RYK: variants seen among roughly 807,000 people sequenced by gnomAD.
RYK encodes receptor like tyrosine kinase.
A neutral mutation model predicts 70.2 loss-of-function variants in RYK; 21 were observed. That is an observed-to-expected ratio of 0.30 (90% CI 0.21 to 0.43). The LOEUF (loss-of-function observed/expected upper bound fraction) is 0.43. Ranked by LOEUF, RYK falls within the 20% of genes least tolerant of loss-of-function variation. The pLI, the probability that RYK is intolerant of heterozygous loss-of-function variation, is 1.00. For synonymous variants in RYK, 267 were observed against 278.0 expected (o/e 0.96, Z 0.39); for missense variants, 604 against 753.3 (o/e 0.80, Z 2.32).
intron 7 of RYK, among the ~76,000 whole-genome samples, chr3:134,192,471 T>C (rs553135909): frequency 6.7e-6 from 1 of 148,564 alleles, no homozygotes; most frequent in South Asian, 2.1e-4. Context: ...GTTATTTTTG[T>C]TTGAAAAGGC....
intron 1 of RYK, among the ~76,000 whole-genome samples, chr3:134,248,904 T>C (rs1392934308): frequency 6.6e-6 from 1 of 151,926 alleles, no homozygotes; most frequent in Non-Finnish European, 1.5e-5. Context: ...CCGAGAAAAT[T>C]AGAAGAAATT....
chr3:134,246,878 A>C (rs981332923), intron 1 of RYK, among the ~76,000 whole-genome samples: 24 of 152,178 alleles, frequency 1.6e-4, no homozygotes, highest in Admixed American at 3.9e-4. Context: ...TCCCAGAAAA[A>C]ATAATCGTAC....
chr3:134,223,470 T>C (rs1243876808), intron 1 of RYK, among the ~76,000 whole-genome samples: 1 of 152,060 alleles, frequency 6.6e-6, no homozygotes, highest in African/African-American at 2.4e-5. Flanking sequence ...AAAAGAGTTA[T>C]CAAAAAAACA....
chr3:134,184,081 G>C (rs1381286169), intron 9 of RYK, among the ~76,000 whole-genome samples: 1 of 152,074 alleles, frequency 6.6e-6, no homozygotes, highest in African/African-American at 2.4e-5. Flanking sequence ...TATGATTGGA[G>C]ATTATGGCCT....
rs2014285152 is a variant in RYK, at chr3:134,208,566, T to A, written c.590-1041A>T. Among the ~76,000 whole-genome samples, 3 of 152,206 alleles carry A rather than the reference T, an allele frequency of 2.0e-5. No homozygotes were observed. The South Asian group carries it at 6.2e-4, about 32-fold the overall frequency. ...AGATGCTAACTCTTCTTTCTTAAAA[T>A]GTCTATTCAAATGTAGTGCAGCTTT... is the stretch of plus-strand genomic sequence containing the variant. On this transcript the variant is annotated intron_variant, in intron 4 of 14. Coordinates refer to ENST00000623711, the MANE Select transcript of RYK (RefSeq NM_002958.4).
intron 2 of RYK, among the ~76,000 whole-genome samples, chr3:134,221,419 G>A (rs1318202619): frequency 1.3e-5 from 2 of 151,536 alleles, no homozygotes; most frequent in African/African-American, 4.9e-5. Flanking sequence ...TGGCCAAGAT[G>A]GTCTCGATCT....
intron 1 of RYK, among the ~76,000 whole-genome samples, chr3:134,245,035 A>G (rs1018117240): frequency 1.3e-5 from 2 of 152,228 alleles, no homozygotes; most frequent in African/African-American, 4.8e-5. Flanking sequence ...CCCAGCCTCC[A>G]AAACTGTGAG....
At chr3:134,218,983 C>A (rs2014648340) in intron 2 of RYK, among the ~76,000 whole-genome samples, 1 of 152,074 alleles carries the variant, frequency 6.6e-6, no homozygotes, top group African/African-American at 2.4e-5. Flanking sequence ...TAGTCATACC[C>A]TCCAAAAAAA....
At chr3:134,239,785 A>C (rs555921200) in intron 1 of RYK, among the ~76,000 whole-genome samples, 101 of 152,394 alleles carry the variant, frequency 6.6e-4, no homozygotes, top group African/African-American at 2.3e-3. Flanking sequence ...AGATGGAAAC[A>C]ACCAAAAAAG....
In RYK at chr3:134,215,617, C is replaced by A. The variant is rs183468877; in HGVS notation, c.355-4010G>T. Among the ~76,000 whole-genome samples, 6 of 152,348 alleles carry A rather than the reference C, an allele frequency of 3.9e-5. No homozygotes were observed. In the East Asian group the frequency reaches 1.2e-3, roughly 29 times the overall value. On this transcript the variant is annotated intron_variant, in intron 2 of 14. Coordinates refer to ENST00000623711, the MANE Select transcript of RYK (RefSeq NM_002958.4). ...TTTGGCATGTATCGATCTGTAAGGA[C>A]TCTCACTTGCCAATCATCCTTTAAA...
intron 1 of RYK, among the ~76,000 whole-genome samples, chr3:134,238,777 A>G (rs1386721115): frequency 6.6e-6 from 1 of 152,244 alleles, no homozygotes; most frequent in Non-Finnish European, 1.5e-5. Flanking sequence ...GAAAATACAA[A>G]AAGACCCAAG....
chr3:134,247,176 A>T (rs1576541272), intron 1 of RYK, among the ~76,000 whole-genome samples: 1 of 152,358 alleles, frequency 6.6e-6, no homozygotes, highest in Admixed American at 6.5e-5. Context: ...TAATGTAAAT[A>T]CTGCTATTTT....
Position 134,250,513 on chromosome 3 carries a change from G to GGGCGGC in RYK, c.136_141dup (p.Ala46_Ala47dup). On this transcript the variant is annotated inframe_insertion, in exon 1 of 15. Transcript: ENST00000623711. ...TGCAGCTCCGGGGGCCGCGGGGCGG[G>GGGCGGC]GGCGGCGGCAGCGCCAGGCGCGGGC... 6.4e-6 allele frequency: 8 copies of GGGCGGC among 1,241,098 alleles called. No individual in the cohort carries two copies. The highest frequency in any genetic ancestry group is 7.1e-6 in the Non-Finnish European group (7 of 990,582). The allele number at this position is 1,241,098 out of a possible 1,614,324, so 76.9% of individuals were successfully genotyped here. A position where few individuals can be genotyped will look rare whatever the true frequency, so the allele number is the denominator to read the frequency against.
chr3:134,230,286 T>A (rs968173570), intron 1 of RYK, among the ~76,000 whole-genome samples: 2 of 152,132 alleles, frequency 1.3e-5, no homozygotes, highest in Non-Finnish European at 2.9e-5. Flanking sequence ...GCGGTTTCAC[T>A]ATGTTGGCCA....
In RYK at chr3:134,191,978, A is replaced by C. The variant is rs1471998052; in HGVS notation, c.890-4T>G. The C allele has an allele frequency of 6.2e-7, 1 of 1,612,648 alleles. No homozygotes were observed. The highest frequency in any genetic ancestry group is 8.5e-7 in the Non-Finnish European group (1 of 1,179,470). On this transcript the variant is annotated splice_polypyrimidine_tract_variant and splice_region_variant and intron_variant, in intron 7 of 14. Transcript: ENST00000623711. Reference sequence around the variant, plus strand: ...TCTATCCGCAAGGTAGGATAACCTAAGGAGCCAACAAAGCCAAACCAAGCA... The same window carrying C: ...TCTATCCGCAAGGTAGGATAACCTACGGAGCCAACAAAGCCAAACCAAGCA...
chr3:134,237,793 G>A (rs555357109), intron 1 of RYK, among the ~76,000 whole-genome samples: 1 of 152,254 alleles, frequency 6.6e-6, no homozygotes, highest in African/African-American at 2.4e-5. Context: ...TGGTTTCCTA[G>A]TGTCAGCCAA....
At chr3:134,222,225 G>A (rs562158267) in intron 2 of RYK, among the ~76,000 whole-genome samples, 193 bp downstream of exon 2, 3 of 152,278 alleles carry the variant, frequency 2.0e-5, no homozygotes, top group Admixed American at 6.5e-5. Flanking sequence ...AGCCACCTTC[G>A]TTTTAAAGGA....
rs2012753755 is a variant in RYK at position 134,168,160 on chromosome 3, T to G, written c.1575+7449A>C. ...GGATGTGGAGAAATAGAAACACTTT[T>G]ACACTGTTGGTGGGACTGTAAACTA... On this transcript the variant is annotated intron_variant, in intron 13 of 14. Coordinates refer to ENST00000623711, the MANE Select transcript of RYK (RefSeq NM_002958.4). Among the ~76,000 whole-genome samples the G allele has an allele frequency of 5.3e-5, 8 of 152,356 alleles. No homozygotes were observed. In the South Asian group the frequency reaches 1.7e-3, roughly 32 times the overall value.
At chr3:134,203,418 A>G (rs2107675452) in intron 5 of RYK, among the ~76,000 whole-genome samples, 1 of 152,332 alleles carries the variant, frequency 6.6e-6, no homozygotes, top group Non-Finnish European at 1.5e-5. Flanking sequence ...GAAAAAAAAA[A>G]TGTTCAATGA....
Sources: gnomAD v4.1 joint callset for allele counts (sites outside exome capture counted in the v4.1 genomes callset) on GRCh38, gnomAD v4.1.1 for gene constraint, MANE v1.5 for transcripts, NCBI Gene and HGNC (gene_info 2026-07-23, HGNC 2026-07-21) for gene names.